TMPRSS11B: variants seen among roughly 807,000 people sequenced by gnomAD.
The protein encoded by TMPRSS11B is transmembrane protease serine 11B.
Under a neutral mutation model 44.7 loss-of-function variants are expected in TMPRSS11B, and 53 were observed. That is an observed-to-expected ratio of 1.19 (90% CI 0.95 to 1.49). TMPRSS11B has a LOEUF of 1.49. TMPRSS11B is among the 40% of genes most tolerant of loss of function. The pLI, the probability that TMPRSS11B is intolerant of heterozygous loss-of-function variation, is 0.00. For synonymous variants in TMPRSS11B, 140 were observed against 159.2 expected, an observed-to-expected ratio of 0.88 and a Z score of 0.91; for missense variants, 526 against 494.8, an observed-to-expected ratio of 1.06 and a Z score of -0.60.
chr4:68,228,105 C>G, intron 9 of TMPRSS11B, 33 bp from the exon 10 acceptor site: 1 of 1,554,066 alleles, frequency 6.4e-7, no homozygotes, highest in Non-Finnish European at 8.7e-7. Flanking sequence ...TGTTTCTTGT[C>G]TTAACAAAAA....
chr4:68,236,846 T>G (rs1317741398), intron 2 of TMPRSS11B, among the ~76,000 whole-genome samples: 1 of 151,986 alleles, frequency 6.6e-6, no homozygotes, highest in Non-Finnish European at 1.5e-5. Context: ...CTTGCACCCT[T>G]TTGTATGCCC....
At chr4:68,242,714 G>A (rs1201699581) in intron 1 of TMPRSS11B, among the ~76,000 whole-genome samples, 1 of 151,380 alleles carries the variant, frequency 6.6e-6, no homozygotes, top group Non-Finnish European at 1.5e-5. Context: ...GGGACCACAG[G>A]GGTGCACCAC....
At chr4:68,229,685 G>A (rs1719456738) in intron 7 of TMPRSS11B, 169 bp from the exon 8 acceptor site, 4 of 563,696 alleles carry the variant, frequency 7.1e-6, no homozygotes, top group Non-Finnish European at 1.2e-5. Context: ...AAATGTTGCA[G>A]TCACTTAAAA....
chr4:68,233,224 A>C lies in TMPRSS11B; in HGVS notation c.470-808T>G, dbSNP rs76006898. Among the ~76,000 whole-genome samples, 1,392 of 152,108 alleles carry C rather than the reference A, an allele frequency of 9.2e-3. 21 individuals are homozygous for C. Among genetic ancestry groups the C allele is most frequent in the African/African-American group, 0.031 (1,300 of 41,504 alleles). On this transcript the variant is annotated intron_variant, in intron 5 of 9. Transcript: ENST00000332644. ...ACAGAAAAATTTTATTGCTCCCTTG[A>C]AAAGTTCTACCTCAGGTTCCCTTCT... is the stretch of plus-strand genomic sequence containing the variant.
At chr4:68,242,379 TA>T (rs1401759675) in intron 1 of TMPRSS11B, among the ~76,000 whole-genome samples, 15 of 80,700 alleles carry the variant, frequency 1.9e-4, no homozygotes, top group Admixed American at 1.0e-3. Flanking sequence ...TAATATTATA[TA>T]TATAATATAT....
intron 7 of TMPRSS11B, chr4:68,229,746 G>A (rs1439977168): frequency 2.5e-6 from 1 of 400,184 alleles, no homozygotes; most frequent in South Asian, 4.2e-5. Flanking sequence ...TTTTCAAGTA[G>A]AGTCACTGAT....
chr4:68,242,353 A>AATATTATATTATATATATATTATATAT (rs1719879762), intron 1 of TMPRSS11B, among the ~76,000 whole-genome samples: 1 of 14,624 alleles, frequency 6.8e-5, no homozygotes, highest in African/African-American at 2.0e-4. Context: ...TATTATATAT[A>AATATTATATTATATATATATTATATAT]ATATTATATT....
At chr4:68,229,225 T>C (rs775449596) in intron 8 of TMPRSS11B, 32 bp downstream of exon 8, 1 of 1,535,828 alleles carries the variant, frequency 6.5e-7, no homozygotes, top group Non-Finnish European at 8.8e-7. Flanking sequence ...GTTATTCCCA[T>C]GCAGCTATTA....
At chr4:68,233,104 G>A (rs1258506125) in intron 5 of TMPRSS11B, among the ~76,000 whole-genome samples, 2 of 151,958 alleles carry the variant, frequency 1.3e-5, no homozygotes, top group Non-Finnish European at 2.9e-5. Flanking sequence ...AAGGAGAAGA[G>A]GAGGAAACTA....
intron 8 of TMPRSS11B, 33 bp from the exon 9 acceptor site, chr4:68,228,917 T>A: frequency 6.3e-7 from 1 of 1,595,818 alleles, no homozygotes; most frequent in Non-Finnish European, 8.5e-7. Flanking sequence ...ATTATGCAGA[T>A]CTTAGACTTT....
At chr4:68,229,621 C>G in intron 7 of TMPRSS11B, 105 bp from the exon 8 acceptor site, 1 of 986,676 alleles carries the variant, frequency 1.0e-6, no homozygotes, top group Non-Finnish European at 1.5e-6. Flanking sequence ...CCAAACAAAA[C>G]TATAAACCAC....
intron 2 of TMPRSS11B, among the ~76,000 whole-genome samples, chr4:68,239,283 C>CTT (rs1719759538): frequency 1.3e-5 from 2 of 152,130 alleles, no homozygotes; most frequent in African/African-American, 4.8e-5. Flanking sequence ...CTCTCTCTCT[C>CTT]GCACTCTATC....
At chr4:68,229,156 C>T in intron 8 of TMPRSS11B, 101 bp downstream of exon 8, 1 of 1,255,456 alleles carries the variant, frequency 8.0e-7, no homozygotes, top group African/African-American at 1.5e-5. Flanking sequence ...AGTATATTTA[C>T]TGATTGATTA....
chr4:68,236,116 T>C, intron 3 of TMPRSS11B, 35 bp downstream of exon 3: 1 of 1,560,894 alleles, frequency 6.4e-7, no homozygotes, highest in Non-Finnish European at 8.7e-7. Context: ...CAATCAAATT[T>C]ATAATAAAAT....
chr4:68,245,383 CAG>C (rs1719971341), intron 1 of TMPRSS11B, among the ~76,000 whole-genome samples, 166 bp downstream of exon 1: 1 of 151,980 alleles, frequency 6.6e-6, no homozygotes, highest in Admixed American at 6.6e-5. Flanking sequence ...GAAACTTTCC[CAG>C]AGACTTCAAA....
intron 1 of TMPRSS11B, among the ~76,000 whole-genome samples, chr4:68,242,361 ATT>A (rs1491100845): frequency 4.6e-4 from 19 of 41,138 alleles, no homozygotes; most frequent in Middle Eastern, 8.1e-3. Flanking sequence ...ATAATATTAT[ATT>A]ATATATAATA....
At position 68,229,391 on chromosome 4, in the gene TMPRSS11B, A is replaced by G; in HGVS notation, c.812T>C (p.Ile271Thr). ...NYSSPGLHDD[I>T]ALVQLAEEVS... ...TTCTTCAGCAAGCTGCACAAGGGCAATATCATCATGAAGCCCAGGACTGCT... is the reference window on the plus strand; with the variant it reads ...TTCTTCAGCAAGCTGCACAAGGGCAGTATCATCATGAAGCCCAGGACTGCT... Residue 271 changes from isoleucine (I) to threonine (T), a missense_variant, in exon 8 of 10, where the codon ATT (isoleucine) becomes ACT (threonine). Transcript: ENST00000332644. The G allele has an allele frequency of 6.2e-7, 1 of 1,614,110 alleles. No homozygotes were observed. The highest frequency in any genetic ancestry group is 1.3e-5 in the African/African-American group (1 of 75,054).
At chr4:68,242,296 TA>T (rs1719865748) in intron 1 of TMPRSS11B, among the ~76,000 whole-genome samples, 1 of 63,198 alleles carries the variant, frequency 1.6e-5, no homozygotes, top group Non-Finnish European at 2.7e-5. Context: ...ATATTATACA[TA>T]ATATAATATA....
Position 68,227,172 on chromosome 4 carries a change from A to T in TMPRSS11B, c.*739T>A, listed in dbSNP as rs1258372725. ...CATTTCACATATAAGTTAAAAAGTA[A>T]TGTACACTTTCGCACTTATTCCAGT... On this transcript the variant is annotated 3_prime_UTR_variant, in exon 10 of 10. Coordinates refer to ENST00000332644, the MANE Select transcript of TMPRSS11B (RefSeq NM_182502.3). 1 of 152,198 alleles carries T rather than the reference A, an allele frequency of 6.6e-6. No individual in the cohort carries two copies. The highest frequency in any genetic ancestry group is 1.5e-5 in the Non-Finnish European group (1 of 68,038). 9.4% of individuals were successfully genotyped at this position (152,198 alleles called of 1,614,324 possible).
Sources: allele counts gnomAD v4.1 joint callset (sites outside exome capture counted in the v4.1 genomes callset), GRCh38; gene constraint gnomAD v4.1.1; transcripts MANE v1.5; gene names NCBI Gene and HGNC (gene_info 2026-07-23, HGNC 2026-07-21).